The following SCHIP1 variants were observed in gnomAD, a reference collection of about 807,000 sequenced individuals.
SCHIP1 encodes schwannomin interacting protein 1, also known as schwannomin-interacting protein 1.
In SCHIP1, 8 loss-of-function variants were observed where a neutral mutation model predicts 29.7. The ratio of observed to expected loss-of-function variants is 0.27; its 90% CI spans 0.16 to 0.49. The LOEUF (loss-of-function observed/expected upper bound fraction) is 0.49. Ranked by LOEUF, SCHIP1 falls within the 20% of genes least tolerant of loss-of-function variation. SCHIP1 has a pLI of 0.99. For missense variants in SCHIP1, 193 were observed against 294.6 expected (o/e 0.66, Z 2.52); for synonymous variants, 76 against 94.9 (o/e 0.80, Z 1.16).
the SCHIP1 span, among the ~76,000 whole-genome samples, chr3:159,501,265 A>G: frequency 6.6e-6 from 1 of 152,158 alleles, no homozygotes; most frequent in African/African-American, 2.4e-5. Flanking sequence ...GAGGACATTT[A>G]TTTCCTCATC....
chr3:159,731,838 C>T, the SCHIP1 span, among the ~76,000 whole-genome samples: 2 of 152,108 alleles, frequency 1.3e-5, no homozygotes, highest in South Asian at 4.1e-4. Flanking sequence ...AAAATTAGCC[C>T]ACCAAATATC....
chr3:159,678,825 G>A, the SCHIP1 span, among the ~76,000 whole-genome samples: 596 of 152,342 alleles, frequency 3.9e-3, 4 homozygotes, highest in Non-Finnish European at 3.8e-3. Flanking sequence ...GCAGAAGACA[G>A]AATGAGTATA....
chr3:159,584,940 A>C, the SCHIP1 span, among the ~76,000 whole-genome samples: 5 of 151,332 alleles, frequency 3.3e-5, no homozygotes, highest in Non-Finnish European at 5.9e-5. Context: ...TTGCACTAAC[A>C]CCTCCCAGAC....
chr3:159,802,002 G>T, the SCHIP1 span, among the ~76,000 whole-genome samples: 1 of 152,074 alleles, frequency 6.6e-6, no homozygotes, highest in Non-Finnish European at 1.5e-5. Flanking sequence ...AGGAAGTTAA[G>T]GCCACCATGG....
At chr3:159,756,268 GA>G in the SCHIP1 span, among the ~76,000 whole-genome samples, 1 of 152,318 alleles carries the variant, frequency 6.6e-6, no homozygotes, top group Non-Finnish European at 1.5e-5. Flanking sequence ...AATCTAGGTG[GA>G]GGTTCCCAAA....
the SCHIP1 span, among the ~76,000 whole-genome samples, chr3:159,561,902 G>A: frequency 1.3e-5 from 2 of 152,118 alleles, no homozygotes; most frequent in Admixed American, 1.3e-4. Context: ...CTCCTGCAGT[G>A]GTTTTACCTT....
the SCHIP1 span, among the ~76,000 whole-genome samples, chr3:159,485,847 A>C: frequency 6.6e-6 from 1 of 152,158 alleles, no homozygotes; most frequent in African/African-American, 2.4e-5. Flanking sequence ...CACTATGTAG[A>C]TATTAGCTAC....
At chr3:159,582,833 C>T in the SCHIP1 span, among the ~76,000 whole-genome samples, 4 of 143,246 alleles carry the variant, frequency 2.8e-5, no homozygotes, top group Admixed American at 7.0e-5. Flanking sequence ...CAAAAATATC[C>T]GTTATTCTTA....
chr3:159,752,108 C>A, the SCHIP1 span, among the ~76,000 whole-genome samples: 2 of 151,102 alleles, frequency 1.3e-5, no homozygotes, highest in Non-Finnish European at 2.9e-5. Flanking sequence ...TGCCTGTTTC[C>A]CCTTCACCTT....
intron 1 of SCHIP1, chr3:159,846,066 C>G (rs1202160609): frequency 2.6e-5 from 4 of 152,222 alleles, no homozygotes; most frequent in Non-Finnish European, 5.9e-5. Context: ...ACCTCCATGC[C>G]TACTTCTTCA....
At chr3:159,765,305 G>C in the SCHIP1 span, 20 of 791,652 alleles carry the variant, frequency 2.5e-5, no homozygotes, top group Non-Finnish European at 3.0e-5. Context: ...TGGGGATAAG[G>C]TTGCTCGGTC....
chr3:159,443,149 G>A, the SCHIP1 span, among the ~76,000 whole-genome samples: 32 of 152,250 alleles, frequency 2.1e-4, no homozygotes, highest in African/African-American at 3.8e-4. Context: ...GTGAGACTGC[G>A]ATTCTCTCTG....
the SCHIP1 span, among the ~76,000 whole-genome samples, chr3:159,308,590 G>A: frequency 6.6e-6 from 1 of 152,154 alleles, no homozygotes; most frequent in East Asian, 1.9e-4. Context: ...TAGCCACTGT[G>A]GGAAGCAGTC....
chr3:159,868,882 A>G (rs990221171), intron 2 of SCHIP1, among the ~76,000 whole-genome samples: 1 of 152,074 alleles, frequency 6.6e-6, no homozygotes, highest in Non-Finnish European at 1.5e-5. Context: ...CTGTTTTCCA[A>G]CATGGTTGCA....
At chr3:159,301,494 G>A in the SCHIP1 span, among the ~76,000 whole-genome samples, 3 of 152,080 alleles carry the variant, frequency 2.0e-5, no homozygotes, top group Non-Finnish European at 2.9e-5. Context: ...GAATTCTCAC[G>A]TTTGGGAACT....
chr3:159,312,700 G>A, the SCHIP1 span, among the ~76,000 whole-genome samples: 11 of 152,086 alleles, frequency 7.2e-5, no homozygotes, highest in Admixed American at 3.9e-4. Context: ...GAATCCCTGC[G>A]TGGACTTCAG....
At chr3:159,314,683 G>C in the SCHIP1 span, among the ~76,000 whole-genome samples, 8 of 152,238 alleles carry the variant, frequency 5.3e-5, no homozygotes, top group African/African-American at 1.4e-4. Context: ...AAAGAACCTG[G>C]ATCTTTGATC....
intron 1 of SCHIP1, among the ~76,000 whole-genome samples, chr3:159,843,162 G>A (rs955292905): frequency 2.0e-5 from 3 of 151,122 alleles, no homozygotes; most frequent in Non-Finnish European, 4.4e-5. Flanking sequence ...ACAGGCGCCC[G>A]CCACCATGCC....
the SCHIP1 span, among the ~76,000 whole-genome samples, chr3:159,337,073 T>G: frequency 1.1e-4 from 17 of 152,284 alleles, no homozygotes; most frequent in African/African-American, 3.9e-4. Context: ...TAATCCAGCA[T>G]ATAAACAGAA....
Sources: gnomAD v4.1 joint callset for allele counts (sites outside exome capture counted in the v4.1 genomes callset) on GRCh38, gnomAD v4.1.1 for gene constraint, MANE v1.5 for transcripts, NCBI Gene and HGNC (gene_info 2026-07-23, HGNC 2026-07-21) for gene names.